Variants in LONP1 observed in about 807,000 individuals in gnomAD.
LONP1 encodes lon peptidase 1, mitochondrial, also known as lon protease homolog, mitochondrial.
A neutral mutation model predicts 98.5 loss-of-function variants in LONP1; 31 were observed. The ratio of observed to expected loss-of-function variants is 0.31; its 90% CI spans 0.24 to 0.42. The LOEUF (loss-of-function observed/expected upper bound fraction) is 0.42, where lower values mean the gene tolerates loss of function less well. LONP1 is among the 20% of genes least tolerant of loss of function. The pLI is 1.00. For missense variants in LONP1, 1,336 were observed against 1,350.6 expected (o/e 0.99, Z 0.17); for synonymous variants, 781 against 594.7 (o/e 1.31, Z -4.56).
intron 8 of LONP1, 133 bp downstream of exon 8, chr19:5,705,638 TG>T (rs1171120173): frequency 8.9e-6 from 6 of 672,422 alleles, no homozygotes; most frequent in African/African-American, 1.8e-5. Flanking sequence ...TGATACTCGC[TG>T]GATGCCTCCC....
At chr19:5,714,131 G>T in intron 2 of LONP1, 52 bp downstream of exon 2, 4 of 1,406,020 alleles carry the variant, frequency 2.8e-6, no homozygotes, top group Non-Finnish European at 4.0e-6. Flanking sequence ...CTTGTGGTGA[G>T]CTGGACTCTA....
rs777581443 is a variant in LONP1 at position 5,693,646 on chromosome 19, C to T, written c.2444G>A (p.Arg815His). 4.3e-6 allele frequency: 7 copies of T among 1,613,896 alleles called. No individual in the cohort carries two copies. Among genetic ancestry groups the T allele is most frequent in the East Asian group, 2.2e-5 (1 of 44,878 alleles). ...QLGEVMKESA[R>H]IAYTFARAFL... ...GGCTCTGGCGAAGGTGTAGGCTATG[C>T]GGGCGCTCTCCTTCATCACCTCCCC... Residue 815 changes from arginine (R) to histidine (H), a missense_variant, in exon 16 of 18, where the codon CGC becomes CAC. Physicochemically the swap from Arg to His is conservative, Grantham distance 29. Transcript: ENST00000360614.
In LONP1 at chr19:5,696,698, G is replaced by C. The variant is rs140317309; in HGVS notation, c.1745C>G (p.Thr582Arg). 1.2e-6 allele frequency: 2 copies of C among 1,613,528 alleles called. No individual in the cohort carries two copies. Among genetic ancestry groups the C allele is most frequent in the African/African-American group, 2.7e-5 (2 of 74,924 alleles). Residue 582 changes from threonine to arginine, a missense_variant, in exon 11 of 18, where the codon ACG (threonine) becomes AGG (arginine). By Grantham distance (71) the Thr-to-Arg change is moderately conservative. Around this residue, in one of 5 missense-constraint regions of LONP1, gnomAD observed 555 missense variants for 542.6 expected, o/e 1.02. Coordinates refer to ENST00000360614, the MANE Select transcript of LONP1 (RefSeq NM_004793.4). Reference sequence around the variant, plus strand: ...GTCGATGAGGATCAGGGGGTTCTCCGTCTTGGTCTTCTTCAAACACTGGAT... The same window carrying C: ...GTCGATGAGGATCAGGGGGTTCTCCCTCTTGGTCTTCTTCAAACACTGGAT... Reference protein sequence around the residue: ...KIIQCLKKTKTENPLILIDEV... With the variant: ...KIIQCLKKTKRENPLILIDEV...
intron 15 of LONP1, among the ~76,000 whole-genome samples, chr19:5,694,168 G>A (rs1426418062): frequency 1.3e-5 from 2 of 152,106 alleles, no homozygotes; most frequent in Non-Finnish European, 1.5e-5. Context: ...TATCAAAGTG[G>A]CACCCAAATC....
chr19:5,696,136 G>A lies in LONP1; in HGVS notation c.1931C>T (p.Thr644Ile), dbSNP rs1366501800. The stretch of plus-strand genomic sequence containing the variant: ...ACGGTCTCGCAGCGGCTCGGGGATG[G>A]TGTCCGTGACGTTGGCCGTGCAGAT... ...LFICTANVTD[T>I]IPEPLRDRME... The change falls in exon 13 of 18, where the codon ACC (threonine) becomes ATC (isoleucine). Residue 644 changes from threonine (T) to isoleucine (I), a missense_variant. Thr to Ile is a moderately conservative substitution (Grantham distance 89, BLOSUM62 -1). This residue lies in a region of LONP1 where 555 missense variants were observed against 542.6 expected (regional missense o/e 1.02). Transcript: ENST00000360614. 1 of 1,612,828 alleles carries A rather than the reference G, an allele frequency of 6.2e-7. No individual in the cohort carries two copies. Among genetic ancestry groups the A allele is most frequent in the African/African-American group, 1.3e-5 (1 of 74,912 alleles).
At position 5,719,840 on chromosome 19, in the gene LONP1, C is replaced by G. The variant is rs1225628709; in HGVS notation, c.293G>C (p.Gly98Ala). Residue 98 changes from glycine (G) to alanine (A), a missense_variant, in exon 1 of 18, where the codon GGG (glycine) becomes GCG (alanine). Physicochemically the swap from Gly to Ala is moderately conservative, Grantham distance 60. Transcript: ENST00000360614. ...GGAEEGAGGAGGSAGAGEGPV... is the reference protein window; with the variant it reads ...GGAEEGAGGAAGSAGAGEGPV... ...GCCTTCCCCGGCGCCCGCGCTGCCC[C>G]CCGCGCCGCCGGCTCCTTCCTCCGC... 3.1e-6 allele frequency: 5 copies of G among 1,607,904 alleles called. No individual in the cohort carries two copies. In the African/African-American group the frequency reaches 6.7e-5, roughly 22 times the overall value.
In LONP1 at chr19:5,692,186, C is replaced by T. The variant is rs1436072051; in HGVS notation, c.2726G>A (p.Cys909Tyr). ...CTTGTTCTCGGCTGGCAGGACGATG[C>T]ACGTCACCCCTGCGCGCTTGGCCTG... ...TIAAKRAGVT[C>Y]IVLPAENKKD... Residue 909 changes from cysteine to tyrosine, a missense_variant, in exon 18 of 18, where the codon TGC becomes TAC. Physicochemically the swap from Cys to Tyr is radical, Grantham distance 194 (BLOSUM62 -2). Around this residue, in one of 5 missense-constraint regions of LONP1, gnomAD observed 555 missense variants for 542.6 expected, o/e 1.02. Coordinates refer to ENST00000360614, the MANE Select transcript of LONP1 (RefSeq NM_004793.4). 6.2e-7 allele frequency: 1 copy of T among 1,613,620 alleles called. No homozygotes were observed. Among genetic ancestry groups the T allele is most frequent in the Non-Finnish European group, 8.5e-7 (1 of 1,179,718 alleles).
intron 4 of LONP1, among the ~76,000 whole-genome samples, chr19:5,711,084 G>A (rs2055229998): frequency 6.6e-6 from 1 of 151,956 alleles, no homozygotes; most frequent in South Asian, 2.1e-4. Flanking sequence ...TAGAAGTGCT[G>A]ACCTCAAGAA....
At chr19:5,692,468 C>T (rs965941851) in intron 17 of LONP1, among the ~76,000 whole-genome samples, 1 of 152,162 alleles carries the variant, frequency 6.6e-6, no homozygotes, top group Non-Finnish European at 1.5e-5. Context: ...TCTGGCCGTG[C>T]GGTGGGAGCA....
At chr19:5,710,488 T>C in intron 4 of LONP1, among the ~76,000 whole-genome samples, 1 of 152,016 alleles carries the variant, frequency 6.6e-6, no homozygotes, top group East Asian at 1.9e-4. Context: ...CTCAATCTCC[T>C]GGGCTCAAGC....
chr19:5,698,176 G>A (rs1332304205), intron 10 of LONP1, among the ~76,000 whole-genome samples: 1 of 152,034 alleles, frequency 6.6e-6, no homozygotes, highest in Non-Finnish European at 1.5e-5. Context: ...GCCCCCTGGG[G>A]ACTGGACACT....
intron 8 of LONP1, among the ~76,000 whole-genome samples, chr19:5,701,605 T>C (rs908106155): frequency 3.9e-5 from 6 of 152,320 alleles, no homozygotes; most frequent in East Asian, 3.9e-4. Flanking sequence ...GGTGCCGGGA[T>C]TGCAGACGGA....
At chr19:5,709,884 C>G (rs2055208816) in intron 4 of LONP1, among the ~76,000 whole-genome samples, 1 of 131,288 alleles carries the variant, frequency 7.6e-6, no homozygotes, top group African/African-American at 3.1e-5. Flanking sequence ...TGCACTCCAG[C>G]CTGGGCGACA....
rs2055242360 is a variant in LONP1 at position 5,711,848 on chromosome 19, C to T, written c.793G>A (p.Glu265Lys). 1.2e-6 allele frequency: 2 copies of T among 1,612,894 alleles called. No individual in the cohort carries two copies. Among genetic ancestry groups the T allele is most frequent in the Non-Finnish European group, 1.7e-6 (2 of 1,179,984 alleles). Reference sequence around the variant, plus strand: ...ACCATGAGCACCTCAGCCGGGAGCTCAGGGGTGGGCTCCATCGCCAGCTCC... The same window carrying T: ...ACCATGAGCACCTCAGCCGGGAGCTTAGGGGTGGGCTCCATCGCCAGCTCC... ...PAELAMEPTP[E>K]LPAEVLMVEV... The change falls in exon 4 of 18, where the codon GAG becomes AAG. Residue 265 changes from glutamate (E) to lysine (K), a missense_variant. Around this residue, in one of 5 missense-constraint regions of LONP1, gnomAD observed 457 missense variants for 403.1 expected, o/e 1.13. Transcript: ENST00000360614.
In LONP1 at chr19:5,707,072, G is replaced by A. The variant is rs750703032; in HGVS notation, c.1134C>T (p.Arg378=). The change falls in exon 7 of 18, where the codon CGC becomes CGT. Residue 378 remains arginine, a synonymous_variant. Coordinates refer to ENST00000360614, the MANE Select transcript of LONP1 (RefSeq NM_004793.4). ...KEFELSKLQQ[R]LGREVEEKIK... ...GCCGCGGGCTCACCTCCCGCCCCAG[G>A]CGCTGCTGCAGCTTGCTCAGTTCAA... 2.1e-5 allele frequency: 34 copies of A among 1,611,764 alleles called. No individual in the cohort carries two copies. In the Admixed American group the frequency reaches 5.3e-4, roughly 25 times the overall value.
intron 8 of LONP1, among the ~76,000 whole-genome samples, chr19:5,702,619 G>C (rs538418117): frequency 1.3e-5 from 2 of 152,252 alleles, no homozygotes; most frequent in African/African-American, 4.8e-5. Flanking sequence ...GATGGTTGCC[G>C]TGTCTGTGTA....
intron 4 of LONP1, 37 bp from the exon 5 acceptor site, chr19:5,708,440 G>C: frequency 1.3e-6 from 2 of 1,510,410 alleles, no homozygotes; most frequent in Non-Finnish European, 9.1e-7. Context: ...GGGCCCAGCA[G>C]TGCTCCAGCA....
At chr19:5,699,562 T>TTG (rs1568316441) in intron 9 of LONP1, among the ~76,000 whole-genome samples, 1 of 148,812 alleles carries the variant, frequency 6.7e-6, no homozygotes, top group East Asian at 2.0e-4. Context: ...CCTGTTTTTT[T>TTG]TTTTTTTTTT....
In LONP1 at chr19:5,707,133, C is replaced by T. The variant is rs752610066; in HGVS notation, c.1073G>A (p.Arg358Gln). 4.3e-6 allele frequency: 7 copies of T among 1,613,102 alleles called. No homozygotes were observed. The highest frequency in any genetic ancestry group is 1.7e-5 in the Admixed American group (1 of 60,008). The stretch of plus-strand genomic sequence containing the variant: ...CAGCAGGGAGAGGGCCTTGTACAGC[C>T]GCTTAGGAATCTGCCGAGACAGGGA... ...DVLEETNIPK[R>Q]LYKALSLLKK... The change falls in exon 7 of 18, where the codon CGG becomes CAG. Residue 358 changes from arginine (R) to glutamine (Q), a missense_variant. This residue lies in a region of LONP1 where 97 missense variants were observed against 139.0 expected (regional missense o/e 0.70). Transcript: ENST00000360614.
Sources: gnomAD v4.1 joint callset for allele counts (sites outside exome capture counted in the v4.1 genomes callset) on GRCh38, gnomAD v4.1.1 for gene constraint, gnomAD v4.1.1 regional missense constraint, MANE v1.5 for transcripts, NCBI Gene and HGNC (gene_info 2026-07-23, HGNC 2026-07-21) for gene names.